Variants in GTPBP4 observed in about 807,000 individuals in gnomAD.
The protein encoded by GTPBP4 is GTP-binding protein 4.
A neutral mutation model predicts 81.7 loss-of-function variants in GTPBP4; 15 were observed. The observed-to-expected ratio is 0.18, with a 90% confidence interval of 0.12 to 0.28. The LOEUF is 0.28. GTPBP4 is among the 10% of genes least tolerant of loss of function. GTPBP4 has a pLI of 1.00. For synonymous variants in GTPBP4, 272 were observed against 274.6 expected, an observed-to-expected ratio of 0.99 and a Z score of 0.09; for missense variants, 847 against 793.8, an observed-to-expected ratio of 1.07 and a Z score of -0.81.
At position 1,017,132 on chromosome 10, in the gene GTPBP4, G is replaced by C; in HGVS notation, c.1810G>C (p.Gly604Arg). The C allele has an allele frequency of 6.2e-7, 1 of 1,613,706 alleles. No individual in the cohort carries two copies. The highest frequency in any genetic ancestry group is 8.5e-7 in the Non-Finnish European group (1 of 1,179,602). Residue 604 changes from glycine (G) to arginine (R), a missense_variant, in exon 17 of 17, where the codon GGG (glycine) becomes CGG (arginine). This residue lies in a region of GTPBP4 where 600 missense variants were observed against 557.1 expected (regional missense o/e 1.08). Transcript: ENST00000360803. The part of the protein sequence containing the change: ...KNAQKKMNRL[G>R]KKGEADRHVF... ...TGCTCAGAAGAAGATGAATCGGTTG[G>C]GGAAGAAAGGGGAGGCGGATAGACA... is the stretch of plus-strand genomic sequence containing the variant.
rs1470116784 is a variant in GTPBP4 at position 1,019,768 on chromosome 10, C to T, written c.*2541C>T. The T allele has an allele frequency of 6.2e-7, 1 of 1,613,950 alleles. No individual in the cohort carries two copies. Among genetic ancestry groups the T allele is most frequent in the Non-Finnish European group, 8.5e-7 (1 of 1,179,966 alleles). On this transcript the variant is annotated 3_prime_UTR_variant, in exon 17 of 17. Transcript: ENST00000360803. ...AGAAGGTAACAAATTTCATGCTCTC[C>T]CCAAATTCTGTCTGATTTTGCCTTG...
chr10:1,005,077 C>T (rs1831701709), intron 8 of GTPBP4, among the ~76,000 whole-genome samples: 1 of 152,152 alleles, frequency 6.6e-6, no homozygotes, highest in Admixed American at 6.5e-5. Flanking sequence ...AGAACCTCCT[C>T]CTGGGTCCCG....
At chr10:991,393 G>C (rs922333752) in intron 1 of GTPBP4, among the ~76,000 whole-genome samples, 3 of 152,182 alleles carry the variant, frequency 2.0e-5, no homozygotes, top group African/African-American at 7.2e-5. Context: ...CCTGGGGATC[G>C]GATCCTTATT....
chr10:1,014,790 G>A (rs1192928764), intron 15 of GTPBP4, among the ~76,000 whole-genome samples: 2 of 151,956 alleles, frequency 1.3e-5, no homozygotes, highest in Admixed American at 6.6e-5. Context: ...TGAAGTGATG[G>A]GTTGAGGATT....
intron 2 of GTPBP4, among the ~76,000 whole-genome samples, chr10:994,477 GC>G (rs1169901851): frequency 6.6e-6 from 1 of 151,898 alleles, no homozygotes; most frequent in Non-Finnish European, 1.5e-5. Flanking sequence ...CTCCATGTTG[GC>G]CAGGCTGGTC....
At chr10:998,189 T>A (rs1262034964) in intron 5 of GTPBP4, among the ~76,000 whole-genome samples, 4 of 152,130 alleles carry the variant, frequency 2.6e-5, no homozygotes, top group Admixed American at 2.0e-4. Context: ...AGCCTCAACC[T>A]TCCGGGCCCA....
intron 13 of GTPBP4, 75 bp from the exon 14 acceptor site, chr10:1,012,390 C>A: frequency 9.9e-7 from 1 of 1,005,922 alleles, no homozygotes; most frequent in Non-Finnish European, 1.5e-6. Flanking sequence ...AGCTCCCATA[C>A]ACACTCTGCC....
chr10:1,018,931 A>G lies in GTPBP4; in HGVS notation c.*1704A>G, dbSNP rs1228247159. On this transcript the variant is annotated 3_prime_UTR_variant, in exon 17 of 17. Transcript: ENST00000360803. The stretch of plus-strand genomic sequence containing the variant: ...TATGTTTTAAAGCAAGTATGTCTTT[A>G]TTTGTAAGCATATTACTGAAACGAT... The G allele has an allele frequency of 6.6e-6, 1 of 152,358 alleles. No individual in the cohort carries two copies. The highest frequency in any genetic ancestry group is 1.5e-5 in the Non-Finnish European group (1 of 68,196). The allele number at this position is 152,358 out of a possible 1,614,324, so 9.4% of individuals were successfully genotyped here.
chr10:989,838 G>C (rs1204171906), intron 1 of GTPBP4, among the ~76,000 whole-genome samples: 1 of 152,196 alleles, frequency 6.6e-6, no homozygotes, highest in Non-Finnish European at 1.5e-5. Context: ...CCAGGTTCAA[G>C]TGATTTTCCT....
chr10:1,019,162 A>T lies in GTPBP4; in HGVS notation c.*1935A>T. On this transcript the variant is annotated 3_prime_UTR_variant, in exon 17 of 17. Coordinates refer to ENST00000360803, the MANE Select transcript of GTPBP4 (RefSeq NM_012341.3). ...TGGAGGCTTGGATAAAGCTGTGGGG[A>T]GACAGCCTCATGGTCCAGCCAGGCT... 4.9e-6 allele frequency: 1 copy of T among 202,838 alleles called. No individual in the cohort carries two copies. Among genetic ancestry groups the T allele is most frequent in the Non-Finnish European group, 1.0e-5 (1 of 99,592 alleles). The allele number at this position is 202,838 out of a possible 1,614,324, so 12.6% of individuals were successfully genotyped here.
At chr10:1,014,637 C>T (rs987684805) in intron 15 of GTPBP4, among the ~76,000 whole-genome samples, 15 of 152,004 alleles carry the variant, frequency 9.9e-5, no homozygotes, top group African/African-American at 2.7e-4. Context: ...CCAGCCTGGG[C>T]GACAGAGTGA....
At chr10:1,011,684 G>A in intron 13 of GTPBP4, among the ~76,000 whole-genome samples, 1 of 152,308 alleles carries the variant, frequency 6.6e-6, no homozygotes, top group South Asian at 2.1e-4. Context: ...GCAGATTCTG[G>A]GATAGCAGAT....
At chr10:1,009,924 G>A (rs1831818605) in intron 12 of GTPBP4, among the ~76,000 whole-genome samples, 1 of 152,224 alleles carries the variant, frequency 6.6e-6, no homozygotes, top group African/African-American at 2.4e-5. Flanking sequence ...GACCCTAGGA[G>A]GACAAGGCTG....
chr10:1,002,684 T>C (rs889088724), intron 8 of GTPBP4, among the ~76,000 whole-genome samples: 10 of 152,236 alleles, frequency 6.6e-5, no homozygotes, highest in African/African-American at 2.4e-4. Flanking sequence ...GGATGTAATA[T>C]AGTTGGCTGG....
In GTPBP4 at chr10:992,492, T is replaced by A. The variant is rs746010840; in HGVS notation, c.52T>A (p.Phe18Ile). The change falls in exon 2 of 17, where the codon TTC becomes ATC. Residue 18 changes from phenylalanine (F) to isoleucine (I), a missense_variant. Phe to Ile is a conservative substitution (Grantham distance 21). Transcript: ENST00000360803. ...KITVVPSAKD[F>I]IDLTLSKTQR... ...GTTTTATTTTCTTTAATTGCAGGAC[T>A]TCATAGACCTCACGTTGTCGAAGAC... The A allele has an allele frequency of 2.5e-6, 4 of 1,586,198 alleles. No homozygotes were observed. The highest frequency in any genetic ancestry group is 3.4e-5 in the Admixed American group (2 of 59,502).
At position 992,620 on chromosome 10, in the gene GTPBP4, T is replaced by C; in HGVS notation, c.180T>C (p.Asp60=). 6.2e-7 allele frequency: 1 copy of C among 1,607,438 alleles called. No homozygotes were observed. The highest frequency in any genetic ancestry group is 8.5e-7 in the Non-Finnish European group (1 of 1,175,168). Residue 60 remains aspartate (D), a synonymous_variant, in exon 2 of 17, where the codon GAT becomes GAC. Coordinates refer to ENST00000360803, the MANE Select transcript of GTPBP4 (RefSeq NM_012341.3). The stretch of plus-strand genomic sequence containing the variant: ...AATTTACTCAACAGAATTACCATGA[T>C]AGACTTTCACAAATTCTAACAGATT... The part of the protein sequence containing the change: ...KVKFTQQNYH[D]RLSQILTDFP...
intron 10 of GTPBP4, chr10:1,008,343 T>C: frequency 2.7e-6 from 1 of 369,078 alleles, no homozygotes; most frequent in Non-Finnish European, 5.3e-6. Flanking sequence ...AGGTGGAGGT[T>C]GCAGTGAGCC....
At chr10:1,004,030 G>A (rs764513329) in intron 8 of GTPBP4, among the ~76,000 whole-genome samples, 32 of 152,154 alleles carry the variant, frequency 2.1e-4, no homozygotes, top group Non-Finnish European at 4.3e-4. Context: ...GGCTGTGGCT[G>A]TGGCTCCACC....
chr10:1,010,552 T>G, intron 13 of GTPBP4, 32 bp downstream of exon 13: 1 of 1,145,338 alleles, frequency 8.7e-7, no homozygotes, highest in Non-Finnish European at 1.3e-6. Context: ...GCGGATTGTT[T>G]TCCTTTTTAT....
Sources: gnomAD v4.1 joint callset for allele counts (sites outside exome capture counted in the v4.1 genomes callset) on GRCh38, gnomAD v4.1.1 for gene constraint, gnomAD v4.1.1 regional missense constraint, MANE v1.5 for transcripts, NCBI Gene and HGNC (gene_info 2026-07-23, HGNC 2026-07-21) for gene names.